The following ADGRV1 variants were observed in gnomAD, a reference collection of about 807,000 sequenced individuals.
The protein encoded by ADGRV1 is adhesion G protein-coupled receptor V1.
ADGRV1 carries 359 observed loss-of-function variants against 596.2 expected under a neutral mutation model. That is an observed-to-expected ratio of 0.60 (90% confidence interval 0.55 to 0.66). The LOEUF (loss-of-function observed/expected upper bound fraction) is 0.66, where lower values mean the gene tolerates loss of function less well. Ranked by LOEUF, ADGRV1 falls within the 30% of genes least tolerant of loss-of-function variation. The pLI, the probability that ADGRV1 is intolerant of heterozygous loss-of-function variation, is 0.00. For missense variants in ADGRV1, 7,274 were observed against 7,575.6 expected (o/e 0.96, Z 1.48); for synonymous variants, 2,681 against 2,679.2 (o/e 1.00, Z -0.02).
chr5:90,971,439 G>C (rs1008218592), intron 84 of ADGRV1, among the ~76,000 whole-genome samples: 5 of 152,124 alleles, frequency 3.3e-5, no homozygotes, highest in African/African-American at 1.2e-4. Flanking sequence ...AATGTTAAGG[G>C]GCAGCCAGAG....
intron 76 of ADGRV1, among the ~76,000 whole-genome samples, chr5:90,823,970 A>G (rs1382128253): frequency 6.6e-6 from 1 of 152,194 alleles, no homozygotes; most frequent in Non-Finnish European, 1.5e-5. Context: ...AATGTTTATC[A>G]TTGCTTAATA....
intron 64 of ADGRV1, among the ~76,000 whole-genome samples, chr5:90,780,462 T>C (rs1758718606): frequency 1.3e-5 from 2 of 152,288 alleles, no homozygotes; most frequent in East Asian, 3.9e-4. Flanking sequence ...AAGGAAGGAC[T>C]AAAATGGTTT....
rs1420875718 is a variant in ADGRV1, at chr5:90,653,493, A to T, written c.3919A>T (p.Ile1307Phe). ...AATGATAGATTTTTTACTGGTTGGAATTTTCCCCACCACCGTGCATTTACA... is the reference window on the plus strand; with the variant it reads ...AATGATAGATTTTTTACTGGTTGGATTTTTCCCCACCACCGTGCATTTACA... ...PPMIDFLLVG[I>F]FPTTVHLQQH... is the part of the protein sequence containing the mutation. Residue 1307 changes from isoleucine to phenylalanine, a missense_variant, in exon 20 of 90, where the codon ATT becomes TTT. By Grantham distance (21) the Ile-to-Phe change is conservative. Coordinates refer to ENST00000405460, the MANE Select transcript of ADGRV1 (RefSeq NM_032119.4). 6.2e-7 allele frequency: 1 copy of T among 1,613,740 alleles called. No individual in the cohort carries two copies. The highest frequency in any genetic ancestry group is 1.7e-5 in the Admixed American group (1 of 59,942).
At position 90,641,001 on chromosome 5, in the gene ADGRV1, T is replaced by C. The variant is rs537509088; in HGVS notation, c.2241-1635T>C. ...TTTTGCTTGTCCACCTGGCCATGCA[T>C]GCTTTGTGTGCAGTTTCATTTTCTA... On this transcript the variant is annotated intron_variant, in intron 11 of 89. Coordinates refer to ENST00000405460, the MANE Select transcript of ADGRV1 (RefSeq NM_032119.4). 2.0e-5 allele frequency: 3 copies of C among 152,770 alleles called. No homozygotes were observed. The South Asian group carries it at 6.2e-4, about 32-fold the overall frequency. The allele number at this position is 152,770 out of a possible 1,614,324, so 9.5% of individuals were successfully genotyped here.
intron 87 of ADGRV1, among the ~76,000 whole-genome samples, chr5:91,107,496 A>C (rs879849441): frequency 6.6e-6 from 1 of 152,044 alleles, no homozygotes; most frequent in Non-Finnish European, 1.5e-5. Flanking sequence ...ATGATTGGTG[A>C]ACATGAAAAA....
Position 90,637,967 on chromosome 5 carries a change from A to C in ADGRV1, c.2240+19A>C. ...TAGACAGGTAATAACCCATTTAGGTAATGTTTAGTATCATTTATGTTTGAG... is the reference window on the plus strand; with the variant it reads ...TAGACAGGTAATAACCCATTTAGGTCATGTTTAGTATCATTTATGTTTGAG... On this transcript the variant is annotated intron_variant, in intron 11 of 89. Transcript: ENST00000405460. 1 of 1,533,326 alleles carries C rather than the reference A, an allele frequency of 6.5e-7. No individual in the cohort carries two copies. 95.0% of individuals were successfully genotyped at this position (1,533,326 alleles called of 1,614,324 possible). A position where few individuals can be genotyped will look rare whatever the true frequency, so the allele number is the denominator to read the frequency against.
rs772639445 is a variant in ADGRV1, at chr5:90,694,643, A to G, written c.7887A>G (p.Gly2629=). 18 of 1,612,906 alleles carry G rather than the reference A, an allele frequency of 1.1e-5. No homozygotes were observed. The highest frequency in any genetic ancestry group is 1.6e-4 in the Middle Eastern group (1 of 6,068). The part of the protein sequence containing the change: ...QVAVEWRVVG[G]TATEGLDFIG... ...CAGTCGAATGGCGTGTTGTTGGTGG[A>G]ACAGCTACTGAAGGTTTAGATTTTA... Residue 2629 remains glycine, a synonymous_variant, in exon 33 of 90, where the codon GGA becomes GGG. Transcript: ENST00000405460.
At chr5:90,938,503 T>C (rs1415177227) in intron 83 of ADGRV1, among the ~76,000 whole-genome samples, 1 of 152,184 alleles carries the variant, frequency 6.6e-6, no homozygotes, top group East Asian at 1.9e-4. Context: ...ACTTAAAGAC[T>C]TCCCCAGTGA....
At chr5:90,618,110 CT>C (rs1341327193) in intron 3 of ADGRV1, among the ~76,000 whole-genome samples, 157 bp downstream of exon 3, 2 of 152,216 alleles carry the variant, frequency 1.3e-5, no homozygotes, top group African/African-American at 4.8e-5. Context: ...CTCTTCAGCG[CT>C]TCCACAATCT....
chr5:91,112,703 T>TATATGA (rs1406801168), intron 87 of ADGRV1, among the ~76,000 whole-genome samples: 1 of 152,192 alleles, frequency 6.6e-6, no homozygotes, highest in African/African-American at 2.4e-5. Context: ...AAAAAAACTT[T>TATATGA]ATATGAATAT....
chr5:91,073,035 CAT>C (rs1307269566), intron 86 of ADGRV1, among the ~76,000 whole-genome samples: 2 of 152,194 alleles, frequency 1.3e-5, no homozygotes, highest in African/African-American at 2.4e-5. Flanking sequence ...TGTTTAAAAA[CAT>C]GTAATCAGAC....
chr5:90,930,530 C>T lies in ADGRV1; in HGVS notation c.17857-34885C>T, dbSNP rs140006342. Among the ~76,000 whole-genome samples, 7 of 152,190 alleles carry T rather than the reference C, an allele frequency of 4.6e-5. No individual in the cohort carries two copies. The East Asian group carries it at 1.4e-3, about 29-fold the overall frequency. On this transcript the variant is annotated intron_variant, in intron 83 of 89. Transcript: ENST00000405460. The stretch of plus-strand genomic sequence containing the variant: ...AATGTATGAATTCTTGTCAATGAAA[C>T]AGTATCATTTTGTGTCTGAGTATTT...
chr5:90,680,569 C>G (rs1480251969), intron 26 of ADGRV1, among the ~76,000 whole-genome samples: 1 of 152,052 alleles, frequency 6.6e-6, no homozygotes, highest in African/African-American at 2.4e-5. Context: ...AGAGCATTTT[C>G]TAATCCTCAA....
At chr5:91,028,170 C>T (rs1312677680) in intron 85 of ADGRV1, among the ~76,000 whole-genome samples, 1 of 151,730 alleles carries the variant, frequency 6.6e-6, no homozygotes, top group Non-Finnish European at 1.5e-5. Context: ...CTGAATCCTC[C>T]TTTGGGGTCG....
chr5:90,646,095 G>T lies in ADGRV1; in HGVS notation c.3022+4G>T. The T allele has an allele frequency of 3.9e-6, 6 of 1,545,516 alleles. No individual in the cohort carries two copies. Among genetic ancestry groups the T allele is most frequent in the Non-Finnish European group, 5.2e-6 (6 of 1,145,184 alleles). ...GATGACCCCATTTATTTTGCAGGTG[G>T]TATTGCTGTCTTATTTGAATGAGTT... On this transcript the variant is annotated splice_donor_region_variant and intron_variant, in intron 16 of 89. Coordinates refer to ENST00000405460, the MANE Select transcript of ADGRV1 (RefSeq NM_032119.4).
chr5:91,161,432 GT>G (rs1321279772), intron 89 of ADGRV1, among the ~76,000 whole-genome samples: 1 of 150,878 alleles, frequency 6.6e-6, no homozygotes, highest in East Asian at 1.9e-4. Flanking sequence ...GTTTTTTGTT[GT>G]TGTTTTTTGT....
rs372599184 is a variant in ADGRV1 at position 91,154,295 on chromosome 5, A to G, written c.18802+897A>G. Among the ~76,000 whole-genome samples the G allele has an allele frequency of 2.0e-4, 31 of 152,340 alleles. No individual in the cohort carries two copies. In the East Asian group the frequency reaches 5.2e-3, roughly 26 times the overall value. ...CATGCCCAGTTGAAGTTATTGAAATATTTATTCAGAAGTGCATTTTACTTT... is the reference window on the plus strand; with the variant it reads ...CATGCCCAGTTGAAGTTATTGAAATGTTTATTCAGAAGTGCATTTTACTTT... On this transcript the variant is annotated intron_variant, in intron 89 of 89. Coordinates refer to ENST00000405460, the MANE Select transcript of ADGRV1 (RefSeq NM_032119.4).
intron 87 of ADGRV1, among the ~76,000 whole-genome samples, chr5:91,131,087 C>T (rs918263462): frequency 3.9e-5 from 6 of 152,212 alleles, no homozygotes; most frequent in African/African-American, 1.4e-4. Context: ...AATATGAATG[C>T]AGATGTCTTT....
At chr5:91,108,305 T>C (rs1792068397) in intron 87 of ADGRV1, among the ~76,000 whole-genome samples, 3 of 152,176 alleles carry the variant, frequency 2.0e-5, no homozygotes, top group Non-Finnish European at 4.4e-5. Context: ...TGTTTGTTTT[T>C]TTACCCCCCG....
Sources: gnomAD v4.1 joint callset for allele counts (sites outside exome capture counted in the v4.1 genomes callset) on GRCh38, gnomAD v4.1.1 for gene constraint, MANE v1.5 for transcripts, NCBI Gene and HGNC (gene_info 2026-07-23, HGNC 2026-07-21) for gene names.